The following HERC3 variants were observed in gnomAD, a reference collection of about 807,000 sequenced individuals.
HERC3 encodes the protein HECT and RLD domain containing E3 ubiquitin protein ligase 3, also known as probable E3 ubiquitin-protein ligase HERC3.
Under a neutral mutation model 129.9 loss-of-function variants are expected in HERC3, and 58 were observed. The ratio of observed to expected loss-of-function variants is 0.45; its 90% CI spans 0.36 to 0.56. The LOEUF (loss-of-function observed/expected upper bound fraction) is 0.56. HERC3 is among the 20% of genes least tolerant of loss of function. HERC3 has a pLI of 0.00. For missense variants in HERC3, 835 were observed against 1,244.2 expected, an observed-to-expected ratio of 0.67 and a Z score of 4.95; for synonymous variants, 430 against 451.0, an observed-to-expected ratio of 0.95 and a Z score of 0.59.
chr4:88,707,911 CCT>C lies in HERC3; in HGVS notation c.*952_*953del, dbSNP rs1046431362. ...TTCCCTTATTTTCTCCTTTTCGTAC[CCT>C]GTGTCCTCCCTGATTTTCCTTTCGT... is the stretch of plus-strand genomic sequence containing the variant. On this transcript the variant is annotated 3_prime_UTR_variant, in exon 26 of 26. Coordinates refer to ENST00000402738, the MANE Select transcript of HERC3 (RefSeq NM_014606.3). The C allele has an allele frequency of 1.3e-5, 2 of 152,470 alleles. No homozygotes were observed. The highest frequency in any genetic ancestry group is 1.9e-4 in the East Asian group (1 of 5,186). The allele number at this position is 152,470 out of a possible 1,614,324, so 9.4% of individuals were successfully genotyped here.
At chr4:88,542,286 A>G in the HERC3 span, among the ~76,000 whole-genome samples, 1 of 152,210 alleles carries the variant, frequency 6.6e-6, no homozygotes, top group Non-Finnish European at 1.5e-5. Flanking sequence ...CAGAAATACA[A>G]ACTACCATCA....
At chr4:88,531,012 C>T in the HERC3 span, among the ~76,000 whole-genome samples, 5 of 151,788 alleles carry the variant, frequency 3.3e-5, no homozygotes, top group African/African-American at 9.7e-5. Context: ...CACCACATCA[C>T]GCCTGGCTAA....
At chr4:88,546,288 G>C in the HERC3 span, among the ~76,000 whole-genome samples, 1 of 152,238 alleles carries the variant, frequency 6.6e-6, no homozygotes, top group East Asian at 1.9e-4. Context: ...AGAAGGAAAA[G>C]AACTGAAGAA....
chr4:88,580,424 G>A, the HERC3 span, among the ~76,000 whole-genome samples: 1 of 152,120 alleles, frequency 6.6e-6, no homozygotes. Flanking sequence ...TACTCAGGAG[G>A]CTGAGGCAGG....
At chr4:88,538,163 G>A in the HERC3 span, among the ~76,000 whole-genome samples, 11 of 152,184 alleles carry the variant, frequency 7.2e-5, no homozygotes, top group African/African-American at 2.7e-4. Flanking sequence ...CACAATAAAT[G>A]GGAGGTTCTT....
At chr4:88,624,667 C>T (rs569610048) in intron 3 of HERC3, among the ~76,000 whole-genome samples, 23 of 152,216 alleles carry the variant, frequency 1.5e-4, no homozygotes, top group East Asian at 1.2e-3. Context: ...TTTTCCTTTT[C>T]GGTTTCTTAA....
intron 10 of HERC3, among the ~76,000 whole-genome samples, chr4:88,659,494 T>G (rs1171038435): frequency 6.6e-6 from 1 of 152,240 alleles, no homozygotes; most frequent in Non-Finnish European, 1.5e-5. Flanking sequence ...CAGCTAAAGC[T>G]GATGATTAGC....
chr4:88,624,039 T>A (rs1446587556), intron 3 of HERC3, among the ~76,000 whole-genome samples: 3 of 152,238 alleles, frequency 2.0e-5, no homozygotes, highest in Non-Finnish European at 4.4e-5. Context: ...AATCACATAT[T>A]ATGTAGTCTT....
the HERC3 span, among the ~76,000 whole-genome samples, chr4:88,581,914 G>A: frequency 1.3e-5 from 2 of 152,052 alleles, no homozygotes; most frequent in African/African-American, 4.8e-5. Flanking sequence ...TCAAAGACTA[G>A]TTGAGACATA....
intron 21 of HERC3, among the ~76,000 whole-genome samples, chr4:88,683,008 C>T (rs35961942): frequency 0.039 from 5,943 of 152,186 alleles, 330 homozygotes; most frequent in East Asian, 0.27. Flanking sequence ...TTTTAATGAT[C>T]GCCATTCTGA....
chr4:88,633,199 A>G lies in HERC3; in HGVS notation c.227-16641A>G, dbSNP rs376303360. ...GGTGAAGGAAAAGTCAGAGAATTCA[A>G]CTAGCAGGGCTGTACTAAATAATAG... On this transcript the variant is annotated intron_variant, in intron 3 of 25. Transcript: ENST00000402738. 5.9e-5 allele frequency among the ~76,000 whole-genome samples: 9 copies of G among 152,372 alleles called. No individual in the cohort carries two copies. In the South Asian group the frequency reaches 6.2e-4, roughly 11 times the overall value.
chr4:88,554,872 T>C, the HERC3 span, among the ~76,000 whole-genome samples: 1 of 152,306 alleles, frequency 6.6e-6, no homozygotes, highest in African/African-American at 2.4e-5. Context: ...GGATGATGAT[T>C]TTCAGGTACA....
intron 3 of HERC3, among the ~76,000 whole-genome samples, chr4:88,648,204 G>A (rs1728903899): frequency 6.6e-6 from 1 of 151,978 alleles, no homozygotes; most frequent in Admixed American, 6.6e-5. Flanking sequence ...TTTAAGTAGT[G>A]TTTTCTTTTT....
the HERC3 span, among the ~76,000 whole-genome samples, chr4:88,525,728 ATG>A: frequency 6.6e-6 from 1 of 152,242 alleles, no homozygotes; most frequent in Non-Finnish European, 1.5e-5. Context: ...GACTATCACC[ATG>A]TGTGTATTAA....
chr4:88,525,691 C>G, the HERC3 span, among the ~76,000 whole-genome samples: 1 of 152,094 alleles, frequency 6.6e-6, no homozygotes, highest in Admixed American at 6.5e-5. Context: ...AATCAACAAC[C>G]AATATTTAAG....
At chr4:88,531,651 A>C in the HERC3 span, among the ~76,000 whole-genome samples, 1 of 152,346 alleles carries the variant, frequency 6.6e-6, no homozygotes, top group East Asian at 1.9e-4. Flanking sequence ...AAAACGAACA[A>C]GTACATTTTC....
intron 3 of HERC3, among the ~76,000 whole-genome samples, chr4:88,631,408 T>C (rs2149240731): frequency 6.6e-6 from 1 of 152,310 alleles, no homozygotes; most frequent in East Asian, 1.9e-4. Flanking sequence ...TGAGCTGAGA[T>C]TGTGCCACTG....
intron 16 of HERC3, among the ~76,000 whole-genome samples, chr4:88,670,712 T>G (rs184438728): frequency 1.3e-5 from 2 of 151,952 alleles, no homozygotes; most frequent in Non-Finnish European, 2.9e-5. Context: ...TATGTTAGGT[T>G]TTTTTTTAAA....
upstream of HERC3, chr4:88,592,300 CCTGGCT>C (rs1175079128): frequency 6.5e-6 from 1 of 152,830 alleles, no homozygotes; most frequent in Non-Finnish European, 1.5e-5. Flanking sequence ...GCAGCCTGCG[CCTGGCT>C]CTGGGGCCTG....
Sources: gnomAD v4.1 joint callset for allele counts (sites outside exome capture counted in the v4.1 genomes callset) on GRCh38, gnomAD v4.1.1 for gene constraint, MANE v1.5 for transcripts, NCBI Gene and HGNC (gene_info 2026-07-23, HGNC 2026-07-21) for gene names.